DCP1B: variants seen among roughly 807,000 people sequenced by gnomAD.
DCP1B encodes the protein decapping mRNA 1B.
A neutral mutation model predicts 60.5 loss-of-function variants in DCP1B; 47 were observed. That is an observed-to-expected ratio of 0.78 (90% CI 0.61 to 0.99). The LOEUF (loss-of-function observed/expected upper bound fraction) is 0.99. Ranked by LOEUF, DCP1B falls within the 50% of genes least tolerant of loss-of-function variation. The pLI, the probability that DCP1B is intolerant of heterozygous loss-of-function variation, is 0.00. For synonymous variants in DCP1B, 267 were observed against 280.3 expected, an observed-to-expected ratio of 0.95 and a Z score of 0.47; for missense variants, 725 against 756.8, an observed-to-expected ratio of 0.96 and a Z score of 0.49.
chr12:1,949,198 G>T lies in DCP1B; in HGVS notation c.1661C>A (p.Pro554His). The T allele has an allele frequency of 6.2e-7, 1 of 1,614,196 alleles. No homozygotes were observed. ...CAGGAGGAGGCTGGTGGCAGCAGCAGGTGGCTCCTGGCCTCCCACAGGCAA... is the reference window on the plus strand; with the variant it reads ...CAGGAGGAGGCTGGTGGCAGCAGCATGTGGCTCCTGGCCTCCCACAGGCAA... ...GLLPVGGQEP[P>H]AAATSLLLPI... Residue 554 changes from proline (P) to histidine (H), a missense_variant, in exon 8 of 9, where the codon CCT becomes CAT. By Grantham distance (77) the Pro-to-His change is moderately conservative. Coordinates refer to ENST00000280665, the MANE Select transcript of DCP1B (RefSeq NM_152640.5).
chr12:1,988,206 C>T (rs927968104), intron 3 of DCP1B, among the ~76,000 whole-genome samples: 4 of 152,204 alleles, frequency 2.6e-5, no homozygotes, highest in Non-Finnish European at 4.4e-5. Flanking sequence ...CTACAAGCTA[C>T]GTGTCCATCA....
At chr12:1,994,360 T>C (rs2040280833) in intron 2 of DCP1B, among the ~76,000 whole-genome samples, 1 of 152,236 alleles carries the variant, frequency 6.6e-6, no homozygotes, top group Non-Finnish European at 1.5e-5. Context: ...GTCTTAGTTT[T>C]ATTTTACCTC....
chr12:1,993,413 G>A (rs778055491), intron 2 of DCP1B, 22 bp from the exon 3 acceptor site: 2 of 1,604,842 alleles, frequency 1.2e-6, no homozygotes, highest in South Asian at 1.1e-5. Flanking sequence ...AAGGAGTCAG[G>A]GGGAAATCAA....
intron 3 of DCP1B, among the ~76,000 whole-genome samples, chr12:1,988,559 G>A (rs1316973118): frequency 2.6e-5 from 4 of 152,168 alleles, no homozygotes; most frequent in East Asian, 3.8e-4. Flanking sequence ...ATTACAGCAC[G>A]CTTCCTATTT....
chr12:1,954,107 A>C (rs1240355116), intron 6 of DCP1B, among the ~76,000 whole-genome samples: 1 of 152,036 alleles, frequency 6.6e-6, no homozygotes, highest in Non-Finnish European at 1.5e-5. Flanking sequence ...GCTTGAGCCC[A>C]GGAGACACAA....
Position 1,952,561 on chromosome 12 carries a change from T to G in DCP1B, c.1379A>C (p.Gln460Pro). The change falls in exon 7 of 9, where the codon CAG becomes CCG. Residue 460 changes from glutamine (Q) to proline (P), a missense_variant. Transcript: ENST00000280665. ...AGAGGCATGCAGCTGCTGCTCCTGC[T>G]GTACAATCTGAAGCTTCTTCAGTAA... is the stretch of plus-strand genomic sequence containing the variant. The part of the protein sequence containing the change: ...QELLKKLQIV[Q>P]QEQQLHASNR... The G allele has an allele frequency of 6.2e-7, 1 of 1,614,202 alleles. No individual in the cohort carries two copies.
chr12:1,963,438 A>G (rs964440526), intron 5 of DCP1B, among the ~76,000 whole-genome samples: 1 of 152,232 alleles, frequency 6.6e-6, no homozygotes, highest in African/African-American at 2.4e-5. Context: ...AGCTTATTTC[A>G]TTCCCATTAA....
chr12:1,958,526 C>T (rs2030988368), intron 5 of DCP1B, among the ~76,000 whole-genome samples: 2 of 146,544 alleles, frequency 1.4e-5, no homozygotes, highest in South Asian at 2.2e-4. Context: ...CCTAACGTCG[C>T]TCTGCGCAAT....
intron 3 of DCP1B, among the ~76,000 whole-genome samples, chr12:1,969,518 T>C (rs1211468990): frequency 6.7e-6 from 1 of 150,194 alleles, no homozygotes; most frequent in East Asian, 2.0e-4. Flanking sequence ...TGGAAATACA[T>C]ACACATTTTC....
At chr12:1,974,336 A>G (rs762620315) in intron 3 of DCP1B, among the ~76,000 whole-genome samples, 2 of 152,132 alleles carry the variant, frequency 1.3e-5, no homozygotes, top group Non-Finnish European at 2.9e-5. Flanking sequence ...GTTCTCCTTC[A>G]ACCTTCACTG....
At chr12:1,986,092 C>T (rs567914660) in intron 3 of DCP1B, among the ~76,000 whole-genome samples, 126 of 152,338 alleles carry the variant, frequency 8.3e-4, no homozygotes, top group Non-Finnish European at 1.3e-3. Context: ...GGATTACAGG[C>T]GTGAGCCACT....
chr12:1,989,320 A>C (rs1406303975), intron 3 of DCP1B, among the ~76,000 whole-genome samples: 1 of 151,356 alleles, frequency 6.6e-6, no homozygotes, highest in African/African-American at 2.4e-5. Flanking sequence ...CCTGGGTGAC[A>C]GAGCAAGAAC....
In DCP1B at chr12:1,949,335, C is replaced by G; in HGVS notation, c.1525-1G>C. ...CAGGGATGCGCTGAGGTGAGATGAC[C>G]TGCTCACAGCAAATACACACAGAGA... On this transcript the variant is annotated splice_acceptor_variant, in intron 7 of 8. Transcript: ENST00000280665. LOFTEE classifies it high-confidence loss of function. The G allele has an allele frequency of 6.2e-7, 1 of 1,613,382 alleles. No individual in the cohort carries two copies. The highest frequency in any genetic ancestry group is 8.5e-7 in the Non-Finnish European group (1 of 1,179,604).
Position 1,946,291 on chromosome 12 carries a change from A to G in DCP1B, c.1774-5T>C, listed in dbSNP as rs756985078. 6.3e-7 allele frequency: 1 copy of G among 1,598,132 alleles called. No homozygotes were observed. Among genetic ancestry groups the G allele is most frequent in the East Asian group, 2.2e-5 (1 of 44,454 alleles). On this transcript the variant is annotated splice_region_variant and splice_polypyrimidine_tract_variant and intron_variant, in intron 8 of 8. Transcript: ENST00000280665. Reference sequence around the variant, plus strand: ...ATTTAAGAAGTTGTCATCATTCTGGAAAACAAATCGAAAGACCCAAGAGAA... The same window carrying G: ...ATTTAAGAAGTTGTCATCATTCTGGGAAACAAATCGAAAGACCCAAGAGAA...
chr12:1,959,697 C>T (rs536018268), intron 5 of DCP1B, among the ~76,000 whole-genome samples: 2 of 152,312 alleles, frequency 1.3e-5, no homozygotes, highest in African/African-American at 4.8e-5. Flanking sequence ...CAGTGGCTCA[C>T]GCCTGTAATC....
chr12:1,982,199 AT>A (rs1391589938), intron 3 of DCP1B, among the ~76,000 whole-genome samples: 4 of 152,078 alleles, frequency 2.6e-5, no homozygotes, highest in Admixed American at 2.0e-4. Flanking sequence ...ATTTGCTAGT[AT>A]TTTTTCCTTT....
At chr12:1,955,681 C>T (rs2030860323) in intron 5 of DCP1B, 121 bp from the exon 6 acceptor site, 3 of 1,151,984 alleles carry the variant, frequency 2.6e-6, no homozygotes, top group Non-Finnish European at 2.4e-6. Context: ...GATTTTCATG[C>T]ACAAAGGAAA....
At chr12:1,967,998 A>T in intron 3 of DCP1B, 88 bp from the exon 4 acceptor site, 1 of 990,670 alleles carries the variant, frequency 1.0e-6, no homozygotes, top group Non-Finnish European at 1.5e-6. Context: ...AATACATAAT[A>T]ATCTATGTGT....
intron 5 of DCP1B, among the ~76,000 whole-genome samples, chr12:1,956,029 G>T (rs1389522520): frequency 6.6e-6 from 1 of 152,168 alleles, no homozygotes; most frequent in Non-Finnish European, 1.5e-5. Context: ...AAACCAAAAA[G>T]CTGACTCAAA....
Sources: allele counts gnomAD v4.1 joint callset (sites outside exome capture counted in the v4.1 genomes callset), GRCh38; gene constraint gnomAD v4.1.1; transcripts MANE v1.5; gene names NCBI Gene and HGNC (gene_info 2026-07-23, HGNC 2026-07-21).